MYO1B: variants seen among roughly 807,000 people sequenced by gnomAD.
MYO1B encodes the protein unconventional myosin-Ib.
Under a neutral mutation model 159.7 loss-of-function variants are expected in MYO1B, and 72 were observed. That is an observed-to-expected ratio of 0.45 (90% CI 0.37 to 0.55). The LOEUF (loss-of-function observed/expected upper bound fraction) is 0.55, where lower values mean the gene tolerates loss of function less well. Among genes scored for constraint, MYO1B ranks in the 20% least tolerant of loss-of-function variants. MYO1B has a pLI of 0.00. For synonymous variants in MYO1B, 468 were observed against 473.8 expected (o/e 0.99, Z 0.16); for missense variants, 1,062 against 1,364.8 (o/e 0.78, Z 3.50).
intron 17 of MYO1B, among the ~76,000 whole-genome samples, chr2:191,388,748 T>C (rs961090953): frequency 6.6e-6 from 1 of 152,212 alleles, no homozygotes; most frequent in Non-Finnish European, 1.5e-5. Flanking sequence ...GTATCATTTA[T>C]GTGAAGTGAT....
At chr2:191,296,332 G>GTTT in intron 3 of MYO1B, 106 bp downstream of exon 3, 3 of 404,378 alleles carry the variant, frequency 7.4e-6, no homozygotes, top group Non-Finnish European at 8.4e-6. Context: ...GTTTTTGTCA[G>GTTT]TTTTTTTTAA....
intron 17 of MYO1B, chr2:191,388,340 T>C (rs1695528544): frequency 6.6e-6 from 1 of 152,006 alleles, no homozygotes; most frequent in Admixed American, 6.6e-5. Context: ...TAGGGCATCT[T>C]AGACAGAACT....
intron 1 of MYO1B, among the ~76,000 whole-genome samples, chr2:191,251,710 T>C (rs1208865523): frequency 2.0e-5 from 3 of 152,242 alleles, no homozygotes; most frequent in African/African-American, 4.8e-5. Flanking sequence ...TTAAAGACTT[T>C]TTAGAAAATT....
At chr2:191,387,793 G>T (rs1486761518) in intron 17 of MYO1B, 2 of 322,798 alleles carry the variant, frequency 6.2e-6, no homozygotes, top group African/African-American at 4.3e-5. Flanking sequence ...TCAGTGTTTT[G>T]CAGAAAACTC....
At chr2:191,351,606 G>T (rs1333648604) in intron 7 of MYO1B, among the ~76,000 whole-genome samples, 1 of 152,064 alleles carries the variant, frequency 6.6e-6, no homozygotes, top group Non-Finnish European at 1.5e-5. Context: ...TTAACTTCTG[G>T]CTGGGCGCAA....
At chr2:191,257,530 T>A (rs970853164) in intron 1 of MYO1B, among the ~76,000 whole-genome samples, 2 of 152,244 alleles carry the variant, frequency 1.3e-5, no homozygotes, top group Non-Finnish European at 1.5e-5. Flanking sequence ...CCATTGATTT[T>A]AATCACTGAA....
intron 1 of MYO1B, among the ~76,000 whole-genome samples, chr2:191,274,371 T>C (rs1687630099): frequency 6.6e-6 from 1 of 152,218 alleles, no homozygotes; most frequent in Non-Finnish European, 1.5e-5. Flanking sequence ...GTGAAGCGGG[T>C]AATTACAGAG....
chr2:191,364,408 C>A, intron 11 of MYO1B, 132 bp downstream of exon 11: 3 of 688,948 alleles, frequency 4.4e-6, no homozygotes, highest in Non-Finnish European at 7.5e-6. Flanking sequence ...GGGAACAGAG[C>A]AGTAAACTAA....
intron 7 of MYO1B, among the ~76,000 whole-genome samples, chr2:191,359,876 T>A (rs1693553546): frequency 6.6e-6 from 1 of 152,238 alleles, no homozygotes; most frequent in Non-Finnish European, 1.5e-5. Context: ...AATATCCTCG[T>A]CATCCCTCCC....
At chr2:191,368,810 CA>C (rs1445076986) in intron 11 of MYO1B, among the ~76,000 whole-genome samples, 1 of 151,850 alleles carries the variant, frequency 6.6e-6, no homozygotes, top group African/African-American at 2.4e-5. Flanking sequence ...CCTGTCTGTA[CA>C]AAAAATACAA....
intron 3 of MYO1B, among the ~76,000 whole-genome samples, chr2:191,309,612 C>G (rs887375424): frequency 1.3e-5 from 2 of 152,186 alleles, no homozygotes; most frequent in Non-Finnish European, 2.9e-5. Flanking sequence ...GCATTTGTTA[C>G]TTCTCACCCT....
Position 191,284,780 on chromosome 2 carries a change from A to G in MYO1B, c.135+7750A>G, listed in dbSNP as rs1688265866. The stretch of plus-strand genomic sequence containing the variant: ...CCTGAGTAGCTTGGATTACAGGCAC[A>G]TGCTGCCACACCTGGCTAATTTTTT... On this transcript the variant is annotated intron_variant, in intron 2 of 30. Transcript: ENST00000392318. 2.6e-5 allele frequency among the ~76,000 whole-genome samples: 4 copies of G among 152,052 alleles called. No individual in the cohort carries two copies. In the South Asian group the frequency reaches 8.3e-4, roughly 32 times the overall value.
At chr2:191,338,640 C>A (rs1389529366) in intron 4 of MYO1B, among the ~76,000 whole-genome samples, 1 of 152,116 alleles carries the variant, frequency 6.6e-6, no homozygotes, top group African/African-American at 2.4e-5. Context: ...GGTTGATTTT[C>A]CCCCCACCAC....
At position 191,334,114 on chromosome 2, in the gene MYO1B, A is replaced by G. The variant is rs971317494; in HGVS notation, c.346+4085A>G. ...TTTTAGTCAGCCTTCTTTGTGACTA[A>G]CGGTTTTTTTTTTTTTAGGATATTC... On this transcript the variant is annotated intron_variant, in intron 4 of 30. Coordinates refer to ENST00000392318, the MANE Select transcript of MYO1B (RefSeq NM_001130158.3). Among the ~76,000 whole-genome samples, 4 of 137,444 alleles carry G rather than the reference A, an allele frequency of 2.9e-5. No homozygotes were observed. In the South Asian group the frequency reaches 7.9e-4, roughly 27 times the overall value. The allele number at this position is 137,444 out of a possible 152,430, so 90.2% of individuals were successfully genotyped here. A position where few individuals can be genotyped will look rare whatever the true frequency, so the allele number is the denominator to read the frequency against.
chr2:191,397,893 C>T (rs1252872377), intron 21 of MYO1B, among the ~76,000 whole-genome samples: 3 of 132,184 alleles, frequency 2.3e-5, no homozygotes, highest in South Asian at 2.5e-4. Context: ...CCAGTAGGGG[C>T]GGCCGGGCAG....
chr2:191,261,305 C>CTTGATAAGA (rs1686796764), intron 1 of MYO1B, among the ~76,000 whole-genome samples: 1 of 152,088 alleles, frequency 6.6e-6, no homozygotes, highest in Non-Finnish European at 1.5e-5. Flanking sequence ...TTGGAAATCA[C>CTTGATAAGA]CTGATAAGAA....
At chr2:191,357,364 G>A (rs182708721) in intron 7 of MYO1B, among the ~76,000 whole-genome samples, 1 of 152,244 alleles carries the variant, frequency 6.6e-6, no homozygotes, top group East Asian at 1.9e-4. Flanking sequence ...GTCGATAGTC[G>A]GGTGGCGGCA....
chr2:191,372,178 T>G (rs186836004), intron 13 of MYO1B, among the ~76,000 whole-genome samples: 113 of 152,310 alleles, frequency 7.4e-4, no homozygotes, highest in Middle Eastern at 6.8e-3. Context: ...CACTAGAAAG[T>G]TAGATTAAGA....
At chr2:191,355,082 T>C (rs1048423275) in intron 7 of MYO1B, among the ~76,000 whole-genome samples, 27 of 152,368 alleles carry the variant, frequency 1.8e-4, no homozygotes, top group African/African-American at 5.8e-4. Flanking sequence ...TATTGGAGTT[T>C]GTCCTCTCTT....
Sources: gnomAD v4.1 joint callset for allele counts (sites outside exome capture counted in the v4.1 genomes callset) on GRCh38, gnomAD v4.1.1 for gene constraint, MANE v1.5 for transcripts, NCBI Gene and HGNC (gene_info 2026-07-23, HGNC 2026-07-21) for gene names.